ZNF26: variants seen among roughly 807,000 people sequenced by gnomAD.
ZNF26 encodes the protein epididymis luminal protein 179.
In ZNF26, 32 loss-of-function variants were observed where a neutral mutation model predicts 54.9. The ratio of observed to expected loss-of-function variants is 0.58; its 90% CI spans 0.44 to 0.78. The LOEUF (loss-of-function observed/expected upper bound fraction) is 0.78, where lower values mean the gene tolerates loss of function less well. Ranked by LOEUF, ZNF26 falls within the 30% of genes least tolerant of loss-of-function variation. The pLI, the probability that ZNF26 is intolerant of heterozygous loss-of-function variation, is 0.00. For synonymous variants in ZNF26, 221 were observed against 209.2 expected (o/e 1.06, Z -0.49); for missense variants, 524 against 634.0 (o/e 0.83, Z 1.86).
chr12:133,012,578 GTTTT>G lies in ZNF26; in HGVS notation c.*1125_*1128del, dbSNP rs1193864973. ...ATGTCTTTTGCTTTTTGTTGTTTGG[GTTTT>G]TTTTTTTTTTTTTTTTTTTTTTTTT... On this transcript the variant is annotated 3_prime_UTR_variant, in exon 4 of 4. Transcript: ENST00000328654. 349 of 37,592 alleles carry G rather than the reference GTTTT, an allele frequency of 9.3e-3. No individual in the cohort carries two copies. The highest frequency in any genetic ancestry group is 0.034 in the African/African-American group (316 of 9,414). The allele number at this position is 37,592 out of a possible 1,614,324, so 2.3% of individuals were successfully genotyped here. A position where few individuals can be genotyped will look rare whatever the true frequency, so the allele number is the denominator to read the frequency against.
rs1305634281 is a variant in ZNF26, at chr12:133,011,005, G to A, written c.1126G>A (p.Gly376Arg). 2.7e-5 allele frequency: 44 copies of A among 1,614,064 alleles called. No homozygotes were observed. Among genetic ancestry groups the A allele is most frequent in the Non-Finnish European group, 3.5e-5 (41 of 1,180,050 alleles). Reference protein sequence around the residue: ...GNNPYQCGECGKAFGRKEQLT... With the variant: ...GNNPYQCGECRKAFGRKEQLT... Reference sequence around the variant, plus strand: ...TAATCCTTATCAATGCGGTGAATGTGGGAAAGCCTTTGGTAGGAAGGAACA... The same window carrying A: ...TAATCCTTATCAATGCGGTGAATGTAGGAAAGCCTTTGGTAGGAAGGAACA... The change falls in exon 4 of 4, where the codon GGG becomes AGG. Residue 376 changes from glycine to arginine, a missense_variant. Physicochemically the swap from Gly to Arg is moderately radical, Grantham distance 125. Coordinates refer to ENST00000328654, the MANE Select transcript of ZNF26 (RefSeq NM_019591.4).
In ZNF26 at chr12:133,013,882, G is replaced by C. The variant is rs1953527853; in HGVS notation, c.*2401G>C. The C allele has an allele frequency of 6.5e-6, 1 of 152,886 alleles. No individual in the cohort carries two copies. The highest frequency in any genetic ancestry group is 2.4e-5 in the African/African-American group (1 of 41,468). 9.5% of individuals were successfully genotyped at this position (152,886 alleles called of 1,614,324 possible). ...TTGGCAATATATAAAATTCAAACTT[G>C]AGTGTCCATAAATAACTGTTGTTGG... On this transcript the variant is annotated 3_prime_UTR_variant, in exon 4 of 4. Transcript: ENST00000328654.
Position 133,010,398 on chromosome 12 carries a change from C to T in ZNF26, c.519C>T (p.Asn173=), listed in dbSNP as rs2137260227. 2 of 1,614,124 alleles carry T rather than the reference C, an allele frequency of 1.2e-6. No individual in the cohort carries two copies. The highest frequency in any genetic ancestry group is 1.7e-5 in the Admixed American group (1 of 60,016). Residue 173 remains asparagine, a synonymous_variant, in exon 4 of 4, where the codon AAC becomes AAT. Transcript: ENST00000328654. ...AAAGAGCTCATAGCATAGAAAAAAA[C>T]TGTGTGTGTAGTGAATGTGGGAAAG... ...KHQRAHSIEK[N]CVCSECGKAF...
Position 133,012,897 on chromosome 12 carries a change from A to G in ZNF26, c.*1416A>G, listed in dbSNP as rs1953514173. The G allele has an allele frequency of 6.6e-6, 1 of 151,870 alleles. No homozygotes were observed. The highest frequency in any genetic ancestry group is 1.5e-5 in the Non-Finnish European group (1 of 67,976). 9.4% of individuals were successfully genotyped at this position (151,870 alleles called of 1,614,324 possible). ...CCCGGCCAGCTTTCTATTTCTTATA[A>G]CCTAAGGGCTTTAACTGATCAGTTG... is the stretch of plus-strand genomic sequence containing the variant. On this transcript the variant is annotated 3_prime_UTR_variant, in exon 4 of 4. Coordinates refer to ENST00000328654, the MANE Select transcript of ZNF26 (RefSeq NM_019591.4).
Position 133,011,110 on chromosome 12 carries a change from T to G in ZNF26, c.1231T>G (p.Ser411Ala), listed in dbSNP as rs1245333180. The G allele has an allele frequency of 2.3e-5, 37 of 1,613,960 alleles. No homozygotes were observed. Among genetic ancestry groups the G allele is most frequent in the Non-Finnish European group, 3.1e-5 (36 of 1,180,022 alleles). ...ATGTGGGAAGGCTTTCAGCAGCAAG[T>G]CATACCTTGTTATACATAGGAGAAC... Reference protein sequence around the residue: ...SECGKAFSSKSYLVIHRRTHT... With the variant: ...SECGKAFSSKAYLVIHRRTHT... The change falls in exon 4 of 4, where the codon TCA (serine) becomes GCA (alanine). Residue 411 changes from serine (S) to alanine (A), a missense_variant. Ser to Ala is a moderately conservative substitution (Grantham distance 99, BLOSUM62 1). Coordinates refer to ENST00000328654, the MANE Select transcript of ZNF26 (RefSeq NM_019591.4).
chr12:132,999,247 G>GT (rs1345453750), intron 1 of ZNF26, among the ~76,000 whole-genome samples: 7 of 152,264 alleles, frequency 4.6e-5, no homozygotes, highest in African/African-American at 1.7e-4. Context: ...GATTCTCTTA[G>GT]TTTTTTTGTT....
chr12:133,010,882 A>G lies in ZNF26; in HGVS notation c.1003A>G (p.Met335Val), dbSNP rs1346681975. The stretch of plus-strand genomic sequence containing the variant: ...GTCCTATCTCCTTGTTCACATCCGA[A>G]TGCATACAGGAGAAAAACCCTATCA... Reference protein sequence around the residue: ...SKSYLLVHIRMHTGEKPYQCS... With the variant: ...SKSYLLVHIRVHTGEKPYQCS... The change falls in exon 4 of 4, where the codon ATG (methionine) becomes GTG (valine). Residue 335 changes from methionine to valine, a missense_variant. Transcript: ENST00000328654. 6 of 1,613,904 alleles carry G rather than the reference A, an allele frequency of 3.7e-6. No individual in the cohort carries two copies. The African/African-American group carries it at 6.7e-5, about 18-fold the overall frequency.
In ZNF26 at chr12:133,003,347, T is replaced by A. The variant is rs1343128860; in HGVS notation, c.34-3695T>A. 2.0e-5 allele frequency among the ~76,000 whole-genome samples: 3 copies of A among 151,060 alleles called. No individual in the cohort carries two copies. In the East Asian group the frequency reaches 5.9e-4, roughly 30 times the overall value. On this transcript the variant is annotated intron_variant, in intron 1 of 3. Transcript: ENST00000328654. ...TCGGCACACTGCAAGCTCTGCCTCC[T>A]GGGTTAACGCCATTCTCCTGCCTCA... is the stretch of plus-strand genomic sequence containing the variant.
In ZNF26 at chr12:133,017,808, G is replaced by A. The variant is rs1284988717; in HGVS notation, c.*6327G>A. Reference sequence around the variant, plus strand: ...GCGGATCACAAGGTCTGGAGGTCAAGACCATCCTCACTAACATGGTGAAAC... The same window carrying A: ...GCGGATCACAAGGTCTGGAGGTCAAAACCATCCTCACTAACATGGTGAAAC... On this transcript the variant is annotated 3_prime_UTR_variant, in exon 4 of 4. Transcript: ENST00000328654. 6.6e-6 allele frequency: 1 copy of A among 152,252 alleles called. No individual in the cohort carries two copies. The highest frequency in any genetic ancestry group is 2.4e-5 in the African/African-American group (1 of 41,440). The allele number at this position is 152,252 out of a possible 1,614,324, so 9.4% of individuals were successfully genotyped here. A position where few individuals can be genotyped will look rare whatever the true frequency, so the allele number is the denominator to read the frequency against.
rs1183870622 is a variant in ZNF26, at chr12:133,013,468, G to A, written c.*1987G>A. 1 of 153,028 alleles carries A rather than the reference G, an allele frequency of 6.5e-6. No homozygotes were observed. Among genetic ancestry groups the A allele is most frequent in the East Asian group, 1.9e-4 (1 of 5,222 alleles). 9.5% of individuals were successfully genotyped at this position (153,028 alleles called of 1,614,324 possible). ...TTGATAATTTGAATAGGAATATCTG[G>A]GAAGAACCTGAGGACTCAGCCTAGC... On this transcript the variant is annotated 3_prime_UTR_variant, in exon 4 of 4. Coordinates refer to ENST00000328654, the MANE Select transcript of ZNF26 (RefSeq NM_019591.4).
chr12:133,001,675 AAG>A lies in ZNF26; in HGVS notation c.34-5366_34-5365del. 4.7e-6 allele frequency: 6 copies of A among 1,289,088 alleles called. No individual in the cohort carries two copies. The highest frequency in any genetic ancestry group is 6.1e-6 in the Non-Finnish European group (6 of 988,686). 79.9% of individuals were successfully genotyped at this position (1,289,088 alleles called of 1,614,324 possible). On this transcript the variant is annotated intron_variant, in intron 1 of 3. Coordinates refer to ENST00000328654, the MANE Select transcript of ZNF26 (RefSeq NM_019591.4). The surrounding 1 kb of genome is among the most constrained non-coding windows in gnomAD (Gnocchi z 4.7). ...GAGCCTGCTAATGAGCTCAAGTGTC[AAG>A]TTCGGGAATCTTCTGGGTGTTCCTT... is the stretch of plus-strand genomic sequence containing the variant.
At chr12:133,000,921 CCTCCTGGTCTACCCGCTG>C (rs1358057319) in intron 1 of ZNF26, among the ~76,000 whole-genome samples, 23 of 152,062 alleles carry the variant, frequency 1.5e-4, no homozygotes, top group African/African-American at 4.8e-5. Flanking sequence ...AGACAATAAG[CCTCCTGGTCTACCCGCTG>C]CTCCTGGTCT....
chr12:133,015,639 C>A lies in ZNF26; in HGVS notation c.*4158C>A, dbSNP rs1352592072. 7 of 152,066 alleles carry A rather than the reference C, an allele frequency of 4.6e-5. No homozygotes were observed. Among genetic ancestry groups the A allele is most frequent in the African/African-American group, 1.7e-4 (7 of 41,418 alleles). 9.4% of individuals were successfully genotyped at this position (152,066 alleles called of 1,614,324 possible). A position where few individuals can be genotyped will look rare whatever the true frequency, so the allele number is the denominator to read the frequency against. On this transcript the variant is annotated 3_prime_UTR_variant, in exon 4 of 4. Coordinates refer to ENST00000328654, the MANE Select transcript of ZNF26 (RefSeq NM_019591.4). The stretch of plus-strand genomic sequence containing the variant: ...TGGATGACAGGGCAAGACCTCATAT[C>A]TGTAAAAAGTAAAAATAAATAAACA...
intron 1 of ZNF26, chr12:133,006,430 T>C (rs1031765502): frequency 5.8e-6 from 2 of 343,424 alleles, no homozygotes; most frequent in Admixed American, 6.5e-5. Flanking sequence ...TGGATGTTTT[T>C]ACCAAGGACT....
intron 1 of ZNF26, among the ~76,000 whole-genome samples, chr12:132,987,514 A>G (rs1952850632): frequency 1.3e-5 from 2 of 152,188 alleles, no homozygotes; most frequent in South Asian, 4.1e-4. Context: ...TTGATTGCCA[A>G]ATCCTTTGCC....
chr12:133,012,414 G>A lies in ZNF26; in HGVS notation c.*933G>A, dbSNP rs1690544918. On this transcript the variant is annotated 3_prime_UTR_variant, in exon 4 of 4. Coordinates refer to ENST00000328654, the MANE Select transcript of ZNF26 (RefSeq NM_019591.4). The stretch of plus-strand genomic sequence containing the variant: ...ATTTGTACATGAACCAGAAAATGTG[G>A]GAACTCATTCATTCTTGTCCCAGAA... 6.6e-6 allele frequency: 1 copy of A among 151,964 alleles called. No individual in the cohort carries two copies. Among genetic ancestry groups the A allele is most frequent in the African/African-American group, 2.4e-5 (1 of 41,354 alleles). 9.4% of individuals were successfully genotyped at this position (151,964 alleles called of 1,614,324 possible).
intron 1 of ZNF26, 75 bp downstream of exon 1, chr12:132,986,948 C>G: frequency 6.8e-7 from 1 of 1,480,624 alleles, no homozygotes; most frequent in Admixed American, 2.0e-5. Context: ...CAGGGTTACT[C>G]CGGGAACTGA....
rs1268038255 is a variant in ZNF26, at chr12:133,026,017, C to T, written c.*14536C>T. 2 of 152,356 alleles carry T rather than the reference C, an allele frequency of 1.3e-5. No homozygotes were observed. The highest frequency in any genetic ancestry group is 2.9e-5 in the Non-Finnish European group (2 of 68,176). 9.4% of individuals were successfully genotyped at this position (152,356 alleles called of 1,614,324 possible). A position where few individuals can be genotyped will look rare whatever the true frequency, so the allele number is the denominator to read the frequency against. ...AAAACACCCCCAGGCATTCCAGCCC[C>T]TTCTGTTCTAGATCTAGCCTTAGAA... On this transcript the variant is annotated 3_prime_UTR_variant, in exon 4 of 4. Coordinates refer to ENST00000328654, the MANE Select transcript of ZNF26 (RefSeq NM_019591.4).
Position 133,011,548 on chromosome 12 carries a change from ACAAGC to A in ZNF26, c.*68_*72del. The A allele has an allele frequency of 3.4e-6, 5 of 1,452,184 alleles. No individual in the cohort carries two copies. In the South Asian group the frequency reaches 4.9e-5, roughly 14 times the overall value. The allele number at this position is 1,452,184 out of a possible 1,614,324, so 90.0% of individuals were successfully genotyped here. A position where few individuals can be genotyped will look rare whatever the true frequency, so the allele number is the denominator to read the frequency against. On this transcript the variant is annotated 3_prime_UTR_variant, in exon 4 of 4. Coordinates refer to ENST00000328654, the MANE Select transcript of ZNF26 (RefSeq NM_019591.4). ...ACTTCGGATAATATAGACAGGATTTACAAGCAGGAGGCCCTAAAATTACACTCATG... is the reference window on the plus strand; with the variant it reads ...ACTTCGGATAATATAGACAGGATTTAAGGAGGCCCTAAAATTACACTCATG...
Sources: gnomAD v4.1 joint callset for allele counts (sites outside exome capture counted in the v4.1 genomes callset) on GRCh38, gnomAD v4.1.1 for gene constraint, Gnocchi (gnomAD v3.1) non-coding constraint, MANE v1.5 for transcripts, NCBI Gene and HGNC (gene_info 2026-07-23, HGNC 2026-07-21) for gene names.